NAT10: variants seen among roughly 807,000 people sequenced by gnomAD.
NAT10 encodes the protein N-acetyltransferase 10, also known as RNA cytidine acetyltransferase.
A neutral mutation model predicts 132.2 loss-of-function variants in NAT10; 109 were observed. The observed-to-expected ratio is 0.82, with a 90% CI of 0.71 to 0.97. The LOEUF (loss-of-function observed/expected upper bound fraction) is 0.97. Ranked by LOEUF, NAT10 falls within the 50% of genes least tolerant of loss-of-function variation. The probability of loss-of-function intolerance (pLI) is 0.00; values close to 1 mark genes in which losing one functional copy is unlikely to be tolerated. For synonymous variants in NAT10, 479 were observed against 478.0 expected (o/e 1.00, Z -0.03); for missense variants, 1,184 against 1,263.4 (o/e 0.94, Z 0.95).
At chr11:34,129,398 C>G (rs1487292213) in intron 12 of NAT10, among the ~76,000 whole-genome samples, 1 of 152,114 alleles carries the variant, frequency 6.6e-6, no homozygotes, top group East Asian at 1.9e-4. Context: ...AGCATCTTTA[C>G]ATGTGCGTAT....
chr11:34,140,310 CTG>C, intron 23 of NAT10, 88 bp from the exon 24 acceptor site: 2 of 1,247,192 alleles, frequency 1.6e-6, no homozygotes, highest in Non-Finnish European at 2.3e-6. Context: ...TTAGATGCTC[CTG>C]TGTGTTAGGG....
At chr11:34,110,257 C>G (rs553858413) in intron 3 of NAT10, among the ~76,000 whole-genome samples, 1 of 152,222 alleles carries the variant, frequency 6.6e-6, no homozygotes, top group East Asian at 1.9e-4. Context: ...CGATCTGACT[C>G]TGAAAGCCTG....
intron 8 of NAT10, among the ~76,000 whole-genome samples, chr11:34,118,922 A>G (rs1472138227): frequency 6.6e-6 from 1 of 152,114 alleles, no homozygotes; most frequent in African/African-American, 2.4e-5. Context: ...ATTACATTGA[A>G]AGAGGAATCC....
intron 10 of NAT10, 105 bp downstream of exon 10, chr11:34,123,960 G>A (rs1300641247): frequency 8.5e-6 from 7 of 825,342 alleles, no homozygotes; most frequent in African/African-American, 1.7e-5. Flanking sequence ...ACCTGAGGTC[G>A]GGAGTTGGAG....
At chr11:34,132,069 A>G (rs887813490) in intron 14 of NAT10, 56 bp from the exon 15 acceptor site, 2 of 1,279,732 alleles carry the variant, frequency 1.6e-6, no homozygotes, top group African/African-American at 1.5e-5. Context: ...TCCAGAGAGT[A>G]GTATGACCTG....
intron 12 of NAT10, among the ~76,000 whole-genome samples, chr11:34,129,929 T>C (rs796900763): frequency 1.3e-5 from 2 of 152,276 alleles, no homozygotes; most frequent in Admixed American, 6.5e-5. Context: ...TAATAATGTC[T>C]TTTAACGACA....
intron 14 of NAT10, 150 bp from the exon 15 acceptor site, chr11:34,131,975 C>A: frequency 1.5e-6 from 1 of 675,866 alleles, no homozygotes; most frequent in Non-Finnish European, 2.7e-6. Flanking sequence ...TGAGCCAACG[C>A]GCCTGGCCCT....
chr11:34,110,116 T>C (rs1269487090), intron 3 of NAT10, among the ~76,000 whole-genome samples: 1 of 152,142 alleles, frequency 6.6e-6, no homozygotes, highest in Non-Finnish European at 1.5e-5. Context: ...CTTTTTTGGC[T>C]TCAGTGTCTT....
At chr11:34,116,625 C>T (rs568827722) in intron 6 of NAT10, among the ~76,000 whole-genome samples, 7 of 150,726 alleles carry the variant, frequency 4.6e-5, no homozygotes, top group African/African-American at 4.9e-5. Flanking sequence ...GACAGAGTCT[C>T]GCTCTGTTGC....
At chr11:34,132,332 A>C in intron 15 of NAT10, 111 bp downstream of exon 15, 1 of 865,562 alleles carries the variant, frequency 1.2e-6, no homozygotes. Context: ...TGACTGTTCC[A>C]TTGGGACATT....
intron 12 of NAT10, among the ~76,000 whole-genome samples, chr11:34,128,937 G>A (rs1304926686): frequency 1.3e-5 from 2 of 152,144 alleles, no homozygotes; most frequent in South Asian, 4.1e-4. Flanking sequence ...TATAAAATAT[G>A]TGGTCTTCCA....
rs758157776 is a variant in NAT10, at chr11:34,136,721, C to T, written c.2108C>T (p.Ala703Val). The change falls in exon 20 of 29, where the codon GCC becomes GTC. Residue 703 changes from alanine (A) to valine (V), a missense_variant. Ala to Val is a moderately conservative substitution (Grantham distance 64). Coordinates refer to ENST00000257829, the MANE Select transcript of NAT10 (RefSeq NM_024662.3). ...CTCCTCAAATTGAATGAGAGGCCTG[C>T]CGAACGCCTGGATTACCTGGGTGTT... is the stretch of plus-strand genomic sequence containing the variant. ...PLLLKLNERP[A>V]ERLDYLGVSY... 2.3e-5 allele frequency: 37 copies of T among 1,614,042 alleles called. No homozygotes were observed. The highest frequency in any genetic ancestry group is 3.0e-5 in the Non-Finnish European group (35 of 1,180,040).
chr11:34,141,201 T>C lies in NAT10; in HGVS notation c.2705T>C (p.Val902Ala), dbSNP rs1244833034. 4 of 1,613,902 alleles carry C rather than the reference T, an allele frequency of 2.5e-6. No individual in the cohort carries two copies. Among genetic ancestry groups the C allele is most frequent in the Non-Finnish European group, 3.4e-6 (4 of 1,180,002 alleles). ...MGLFNRIIRK[V>A]VKLFNEVQEK... is the part of the protein sequence containing the mutation. ...CTTTTCAACCGGATCATCCGCAAAGTTGTGAAGGTAACCTCAGCCTGAGGG... is the reference window on the plus strand; with the variant it reads ...CTTTTCAACCGGATCATCCGCAAAGCTGTGAAGGTAACCTCAGCCTGAGGG... The change falls in exon 25 of 29, where the codon GTT (valine) becomes GCT (alanine). Residue 902 changes from valine (V) to alanine (A), a missense_variant. Transcript: ENST00000257829.
In NAT10 at chr11:34,131,523, T is replaced by A; in HGVS notation, c.1512T>A (p.Ala504=). ...RIVSGCPLPE[A]CELYYVNRDT... Reference sequence around the variant, plus strand: ...TCTCAGGCTGCCCCTTGCCTGAAGCTTGTGAACTGTATCCTCCTCTGGGTT... The same window carrying A: ...TCTCAGGCTGCCCCTTGCCTGAAGCATGTGAACTGTATCCTCCTCTGGGTT... Residue 504 remains alanine (A), a synonymous_variant, in exon 14 of 29, where the codon GCT becomes GCA. Coordinates refer to ENST00000257829, the MANE Select transcript of NAT10 (RefSeq NM_024662.3). 2.5e-6 allele frequency: 4 copies of A among 1,613,712 alleles called. No homozygotes were observed. The highest frequency in any genetic ancestry group is 3.4e-6 in the Non-Finnish European group (4 of 1,179,834).
chr11:34,132,958 A>C (rs1266647462), intron 15 of NAT10, 68 bp from the exon 16 acceptor site: 1 of 1,291,352 alleles, frequency 7.7e-7, no homozygotes, highest in African/African-American at 1.5e-5. Context: ...TGTGGTTCTG[A>C]ATCGAACCTT....
intron 14 of NAT10, 102 bp downstream of exon 14, chr11:34,131,633 AAG>A: frequency 8.1e-7 from 1 of 1,239,646 alleles, no homozygotes; most frequent in Non-Finnish European, 1.1e-6. Flanking sequence ...GCTCTAGAGA[AAG>A]GGGAAAGTTG....
In NAT10 at chr11:34,142,018, T is replaced by C. The variant is rs527932025; in HGVS notation, c.2811+201T>C. ...GGCCTAGAGTTGTGCCTCCCACTGA[T>C]TGTGTGTGTGTGTTGTGAATGTAGG... On this transcript the variant is annotated intron_variant, in intron 26 of 28. Transcript: ENST00000257829. 2.3e-4 allele frequency: 145 copies of C among 619,330 alleles called. No individual in the cohort carries two copies. The African/African-American group carries it at 2.6e-3, about 11-fold the overall frequency. The allele number at this position is 619,330 out of a possible 1,614,324, so 38.4% of individuals were successfully genotyped here.
chr11:34,127,627 C>T lies in NAT10; in HGVS notation c.1244+28C>T, dbSNP rs748208044. Reference sequence around the variant, plus strand: ...AAGGTACTGTGGGCAGGAGTCCTTACTCCCGTGGCAGGCTCTTGCAGATTT... The same window carrying T: ...AAGGTACTGTGGGCAGGAGTCCTTATTCCCGTGGCAGGCTCTTGCAGATTT... On this transcript the variant is annotated intron_variant, in intron 12 of 28. Transcript: ENST00000257829. The T allele has an allele frequency of 6.9e-6, 11 of 1,585,566 alleles. No homozygotes were observed. In the Admixed American group the frequency reaches 1.2e-4, roughly 17 times the overall value.
chr11:34,118,351 C>T, intron 7 of NAT10, 45 bp from the exon 8 acceptor site: 1 of 1,610,940 alleles, frequency 6.2e-7, no homozygotes, highest in Non-Finnish European at 8.5e-7. Flanking sequence ...TGTGTTGTTC[C>T]TCCTGTGACA....
Sources: gnomAD v4.1 joint callset for allele counts (sites outside exome capture counted in the v4.1 genomes callset) on GRCh38, gnomAD v4.1.1 for gene constraint, MANE v1.5 for transcripts, NCBI Gene and HGNC (gene_info 2026-07-23, HGNC 2026-07-21) for gene names.